Variants in CDH13 observed in about 807,000 individuals in gnomAD.
The protein encoded by CDH13 is cadherin-13.
In CDH13, 24 loss-of-function variants were observed where a neutral mutation model predicts 63.8. The observed-to-expected ratio is 0.38, with a 90% CI of 0.27 to 0.53. The LOEUF is 0.53. Ranked by LOEUF, CDH13 falls within the 20% of genes least tolerant of loss-of-function variation. The pLI is 0.85. For missense variants in CDH13, 1,049 were observed against 903.1 expected (o/e 1.16, Z -2.07); for synonymous variants, 503 against 355.3 (o/e 1.42, Z -4.67).
At chr16:82,857,409 C>A (rs1371410428) in intron 1 of CDH13, among the ~76,000 whole-genome samples, 2 of 152,174 alleles carry the variant, frequency 1.3e-5, no homozygotes, top group East Asian at 3.9e-4. Flanking sequence ...TCAGTAGAAC[C>A]AGTGGTTGGT....
At chr16:83,319,771 GA>G (rs2090182038) in intron 5 of CDH13, among the ~76,000 whole-genome samples, 1 of 152,200 alleles carries the variant, frequency 6.6e-6, no homozygotes, top group Non-Finnish European at 1.5e-5. Flanking sequence ...ATGGCATGAA[GA>G]ATGAGAACAC....
At chr16:83,748,904 C>T (rs1191714801) in intron 11 of CDH13, among the ~76,000 whole-genome samples, 1 of 152,144 alleles carries the variant, frequency 6.6e-6, no homozygotes, top group Admixed American at 6.5e-5. Flanking sequence ...GACTGTAGGG[C>T]ACAAGGGCAG....
chr16:82,724,779 C>G (rs2032995405), intron 1 of CDH13, among the ~76,000 whole-genome samples: 1 of 152,134 alleles, frequency 6.6e-6, no homozygotes, highest in Admixed American at 6.5e-5. Context: ...AAGGTGATGG[C>G]CAAACCTACA....
intron 3 of CDH13, among the ~76,000 whole-genome samples, chr16:83,055,383 G>GA (rs532880721): frequency 1.6e-4 from 22 of 139,630 alleles, no homozygotes; most frequent in Middle Eastern, 3.6e-3. Context: ...GGGTAATTAA[G>GA]AAAAAAAAAA....
At chr16:83,377,921 C>T (rs748563574) in intron 6 of CDH13, among the ~76,000 whole-genome samples, 1 of 152,072 alleles carries the variant, frequency 6.6e-6, no homozygotes, top group Non-Finnish European at 1.5e-5. Context: ...AGAAAGTACC[C>T]CTCTGGAAAG....
chr16:83,692,065 C>T (rs1266524421), intron 10 of CDH13, among the ~76,000 whole-genome samples: 2 of 152,148 alleles, frequency 1.3e-5, no homozygotes, highest in African/African-American at 2.4e-5. Flanking sequence ...CAATGACAGC[C>T]GTCGTCACCT....
chr16:83,539,169 A>G (rs902947493), intron 7 of CDH13, among the ~76,000 whole-genome samples: 19 of 152,122 alleles, frequency 1.2e-4, no homozygotes, highest in Non-Finnish European at 2.5e-4. Flanking sequence ...TGTGGAAGAC[A>G]ATTTTTCTGT....
At chr16:82,964,913 T>A (rs1233659917) in intron 2 of CDH13, among the ~76,000 whole-genome samples, 1 of 152,126 alleles carries the variant, frequency 6.6e-6, no homozygotes, top group African/African-American at 2.4e-5. Context: ...TATAGGGGAA[T>A]GGTTGGCAGG....
intron 7 of CDH13, among the ~76,000 whole-genome samples, chr16:83,492,615 T>C (rs1055517176): frequency 1.3e-5 from 2 of 152,238 alleles, no homozygotes; most frequent in Non-Finnish European, 2.9e-5. Flanking sequence ...AACCACCCTA[T>C]GCTAATTGCA....
intron 6 of CDH13, among the ~76,000 whole-genome samples, chr16:83,447,455 T>G (rs1009319688): frequency 5.3e-5 from 8 of 152,060 alleles, no homozygotes; most frequent in Non-Finnish European, 1.2e-4. Flanking sequence ...ATGAAGCAGA[T>G]GAGTTACTGT....
intron 7 of CDH13, among the ~76,000 whole-genome samples, chr16:83,600,813 C>A (rs958136364): frequency 2.6e-5 from 4 of 152,096 alleles, no homozygotes; most frequent in African/African-American, 9.7e-5. Flanking sequence ...ACAGGCGGGT[C>A]TGGCTTCAGG....
intron 5 of CDH13, among the ~76,000 whole-genome samples, chr16:83,276,509 G>C (rs940988155): frequency 6.6e-6 from 1 of 152,186 alleles, no homozygotes; most frequent in Non-Finnish European, 1.5e-5. Flanking sequence ...ACAAAAGAAA[G>C]AGGTTTAATA....
chr16:83,102,924 CTTTTTCTTTTT>C (rs2034559297), intron 3 of CDH13, among the ~76,000 whole-genome samples: 1 of 58,440 alleles, frequency 1.7e-5, no homozygotes, highest in Admixed American at 1.6e-4. Context: ...TTTTTTTTTT[CTTTTTCTTTTT>C]TTTTTTCTTT....
In CDH13 at chr16:83,045,634, TAAAAAA is replaced by T. The variant is rs71382861; in HGVS notation, c.366+13436_366+13441del. On this transcript the variant is annotated intron_variant, in intron 3 of 13. Coordinates refer to ENST00000567109, the MANE Select transcript of CDH13 (RefSeq NM_001257.5). ...TCTGGGCGACAGATCAAGATTCCTT[TAAAAAA>T]AAAAAAAAAAAAAAAAAAAGATGGG... Among the ~76,000 whole-genome samples, 357 of 107,906 alleles carry T rather than the reference TAAAAAA, an allele frequency of 3.3e-3. 2 individuals carry two copies. The highest frequency in any genetic ancestry group is 0.016 in the Middle Eastern group (3 of 188). The allele number at this position is 107,906 out of a possible 152,430, so 70.8% of individuals were successfully genotyped here.
chr16:82,678,319 C>T (rs201988554), intron 1 of CDH13, among the ~76,000 whole-genome samples: 1 of 144,818 alleles, frequency 6.9e-6, no homozygotes, highest in East Asian at 2.0e-4. Flanking sequence ...ACAGAAAAAA[C>T]TTTTTTTTTT....
chr16:83,341,927 G>T (rs377715185), intron 5 of CDH13, among the ~76,000 whole-genome samples: 4 of 150,786 alleles, frequency 2.7e-5, no homozygotes, highest in African/African-American at 9.7e-5. Context: ...TCAAGCCTCA[G>T]CTGAAACATT....
At chr16:83,363,339 A>C (rs1862827) in intron 6 of CDH13, among the ~76,000 whole-genome samples, 1 of 151,984 alleles carries the variant, frequency 6.6e-6, no homozygotes, top group Admixed American at 6.5e-5. Context: ...GCAGTATTTA[A>C]ATATGTGTAA....
At chr16:83,222,249 G>A (rs2039720948) in intron 5 of CDH13, among the ~76,000 whole-genome samples, 1 of 152,192 alleles carries the variant, frequency 6.6e-6, no homozygotes, top group African/African-American at 2.4e-5. Context: ...TCTTGGTCAA[G>A]TTTTGAATTT....
intron 1 of CDH13, among the ~76,000 whole-genome samples, chr16:82,663,122 C>T (rs776230747): frequency 3.9e-5 from 6 of 152,228 alleles, no homozygotes; most frequent in Non-Finnish European, 7.3e-5. Flanking sequence ...GGATTGCAGG[C>T]TGCAGTGGGC....
Sources: allele counts gnomAD v4.1 joint callset (sites outside exome capture counted in the v4.1 genomes callset), GRCh38; gene constraint gnomAD v4.1.1; transcripts MANE v1.5; gene names NCBI Gene and HGNC (gene_info 2026-07-23, HGNC 2026-07-21).